Variants in LRRC49 observed in about 807,000 individuals in gnomAD.
The protein encoded by LRRC49 is leucine-rich repeat-containing protein 49.
Under a neutral mutation model 83.3 loss-of-function variants are expected in LRRC49, and 50 were observed. The ratio of observed to expected loss-of-function variants is 0.60; its 90% CI spans 0.48 to 0.76. The LOEUF (loss-of-function observed/expected upper bound fraction) is 0.76. LRRC49 is among the 30% of genes least tolerant of loss of function. The pLI, the probability that LRRC49 is intolerant of heterozygous loss-of-function variation, is 0.00. For synonymous variants in LRRC49, 286 were observed against 283.3 expected (o/e 1.01, Z -0.10); for missense variants, 704 against 809.1 (o/e 0.87, Z 1.58).
intron 8 of LRRC49, among the ~76,000 whole-genome samples, chr15:70,942,946 A>T (rs1596047744): frequency 6.6e-6 from 1 of 152,326 alleles, no homozygotes; most frequent in South Asian, 2.1e-4. Flanking sequence ...GCTGTTTTAA[A>T]GTTCTTATCT....
At chr15:71,013,958 C>T (rs2038744052) in intron 14 of LRRC49, among the ~76,000 whole-genome samples, 1 of 152,164 alleles carries the variant, frequency 6.6e-6, no homozygotes, top group African/African-American at 2.4e-5. Context: ...CCCTACTCTG[C>T]TCCCCAGAAT....
At chr15:70,891,598 T>C (rs113374239), upstream of LRRC49, among the ~76,000 whole-genome samples, 43 of 150,608 alleles carry the variant, frequency 2.9e-4, no homozygotes, top group African/African-American at 9.8e-4. Flanking sequence ...TGTGTGTGTG[T>C]GTGTGTGTGT....
chr15:70,878,395 AC>A (rs1267906161), intron 2 of LRRC49, among the ~76,000 whole-genome samples: 4 of 152,214 alleles, frequency 2.6e-5, no homozygotes, highest in Non-Finnish European at 4.4e-5. Flanking sequence ...CTCCTTTTAA[AC>A]ATCTGTGCAT....
rs1224387469 is a variant in LRRC49, at chr15:71,008,508, G to C, written c.1299G>C (p.Trp433Cys). Residue 433 changes from tryptophan (W) to cysteine (C), a missense_variant, in exon 12 of 16, where the codon TGG becomes TGC. By Grantham distance (215) the Trp-to-Cys change is radical. Coordinates refer to ENST00000260382, the MANE Select transcript of LRRC49 (RefSeq NM_017691.5). ...CACTGGAATCTCTGGATAGGAATTGGAGTGTTCAAACAGCAGGAATGATCA... is the reference window on the plus strand; with the variant it reads ...CACTGGAATCTCTGGATAGGAATTGCAGTGTTCAAACAGCAGGAATGATCA... ...SGALESLDRN[W>C]SVQTAGMITT... The C allele has an allele frequency of 6.2e-7, 1 of 1,612,734 alleles. No individual in the cohort carries two copies. The highest frequency in any genetic ancestry group is 1.7e-5 in the Admixed American group (1 of 59,846).
intron 1 of LRRC49, chr15:70,859,278 T>G: frequency 1.2e-6 from 1 of 844,592 alleles, no homozygotes; most frequent in Non-Finnish European, 2.1e-6. Context: ...CGTACAGAGG[T>G]GGAGAATGAA....
chr15:70,935,565 AAAGG>A (rs1476970873), intron 7 of LRRC49, among the ~76,000 whole-genome samples: 1 of 152,186 alleles, frequency 6.6e-6, no homozygotes, highest in Non-Finnish European at 1.5e-5. Context: ...GGAGGGAAGA[AAAGG>A]AGGGAGGAAG....
In LRRC49 at chr15:70,886,082, C is replaced by T. The variant is rs1442906118; in HGVS notation, c.19-7502C>T. Among the ~76,000 whole-genome samples the T allele has an allele frequency of 7.9e-5, 12 of 151,866 alleles. No individual in the cohort carries two copies. The South Asian group carries it at 2.1e-3, about 26-fold the overall frequency. On this transcript the variant is annotated intron_variant, in intron 2 of 16. Coordinates refer to the LRRC49 transcript ENST00000544974. Reference sequence around the variant, plus strand: ...AAAAAATATACTTCTAATTAACCCACGAATAAAAGATAAAATCACAATGGA... The same window carrying T: ...AAAAAATATACTTCTAATTAACCCATGAATAAAAGATAAAATCACAATGGA...
At chr15:70,998,462 G>T (rs2038147514) in intron 11 of LRRC49, among the ~76,000 whole-genome samples, 1 of 151,552 alleles carries the variant, frequency 6.6e-6, no homozygotes, top group Non-Finnish European at 1.5e-5. Context: ...ATTTTGGGTT[G>T]ACAGGTTTTT....
At chr15:71,028,840 T>C (rs2039257660) in intron 14 of LRRC49, among the ~76,000 whole-genome samples, 1 of 152,112 alleles carries the variant, frequency 6.6e-6, no homozygotes, top group African/African-American at 2.4e-5. Context: ...TCTCTTTTCT[T>C]CTTTATTAGT....
chr15:70,986,807 T>C (rs111473898), intron 11 of LRRC49, among the ~76,000 whole-genome samples: 6 of 152,262 alleles, frequency 3.9e-5, no homozygotes, highest in South Asian at 2.1e-4. Context: ...GAGATACGTC[T>C]CATCAATACC....
chr15:70,990,803 G>C (rs1400472607), intron 11 of LRRC49, among the ~76,000 whole-genome samples: 1 of 152,200 alleles, frequency 6.6e-6, no homozygotes, highest in Non-Finnish European at 1.5e-5. Flanking sequence ...TTCTTATAGG[G>C]ATAGTGTTTT....
chr15:70,898,331 C>A, intron 3 of LRRC49: 2 of 668,862 alleles, frequency 3.0e-6, no homozygotes, highest in Non-Finnish European at 5.4e-6. Context: ...ACTGGAAAAA[C>A]AATTAATTTG....
intron 1 of LRRC49, among the ~76,000 whole-genome samples, chr15:70,860,436 A>T (rs1444919303): frequency 6.6e-6 from 1 of 152,174 alleles, no homozygotes; most frequent in Admixed American, 6.5e-5. Context: ...AAAAGGAGAG[A>T]TGAGGTCTCA....
intron 8 of LRRC49, among the ~76,000 whole-genome samples, chr15:70,945,317 G>A (rs2035968704): frequency 6.6e-6 from 1 of 152,156 alleles, no homozygotes; most frequent in Admixed American, 6.5e-5. Flanking sequence ...GTCAACATCT[G>A]CTTCATATAT....
chr15:70,942,452 T>A (rs537208273), intron 8 of LRRC49, among the ~76,000 whole-genome samples: 4 of 152,174 alleles, frequency 2.6e-5, no homozygotes, highest in Non-Finnish European at 4.4e-5. Flanking sequence ...CAAAGAATAT[T>A]CAGAAACAAA....
chr15:70,916,933 C>T (rs2034802905), intron 6 of LRRC49, among the ~76,000 whole-genome samples: 1 of 152,204 alleles, frequency 6.6e-6, no homozygotes, highest in Non-Finnish European at 1.5e-5. Flanking sequence ...CCCCCCAACC[C>T]TCACTCTCCC....
intron 14 of LRRC49, among the ~76,000 whole-genome samples, chr15:71,032,992 G>C (rs1255121111): frequency 6.6e-6 from 1 of 152,150 alleles, no homozygotes; most frequent in African/African-American, 2.4e-5. Flanking sequence ...ATTCAACATA[G>C]TATTGGAAGT....
chr15:70,993,273 C>T (rs1011080416), intron 11 of LRRC49, among the ~76,000 whole-genome samples: 1 of 152,186 alleles, frequency 6.6e-6, no homozygotes, highest in African/African-American at 2.4e-5. Context: ...TTCCAGGTGC[C>T]GTCTGTCACA....
At chr15:70,892,216 C>A, upstream of LRRC49, 2 of 1,599,628 alleles carry the variant, frequency 1.3e-6, no homozygotes, top group Non-Finnish European at 1.7e-6. Context: ...AGCGGAACAG[C>A]GACTTCCCAG....
Sources: allele counts gnomAD v4.1 joint callset (sites outside exome capture counted in the v4.1 genomes callset), GRCh38; gene constraint gnomAD v4.1.1; transcripts MANE v1.5; gene names NCBI Gene and HGNC (gene_info 2026-07-23, HGNC 2026-07-21).